WDR19: variants seen among roughly 807,000 people sequenced by gnomAD.
WDR19 encodes the protein WD repeat domain 19.
Under a neutral mutation model 180.0 loss-of-function variants are expected in WDR19, and 121 were observed. That is an observed-to-expected ratio of 0.67 (90% CI 0.58 to 0.78). WDR19 has a LOEUF of 0.78. Ranked by LOEUF, WDR19 falls within the 30% of genes least tolerant of loss-of-function variation. The pLI, the probability that WDR19 is intolerant of heterozygous loss-of-function variation, is 0.00. For missense variants in WDR19, 1,450 were observed against 1,640.7 expected (o/e 0.88, Z 2.01); for synonymous variants, 497 against 540.7 (o/e 0.92, Z 1.12).
At chr4:39,275,067 C>A in intron 33 of WDR19, 109 bp downstream of exon 33, 1 of 1,330,134 alleles carries the variant, frequency 7.5e-7, no homozygotes. Flanking sequence ...GGGCCAGGTG[C>A]AGTGGCTCAC....
intron 6 of WDR19, among the ~76,000 whole-genome samples, chr4:39,201,764 AAT>A (rs1727399181): frequency 6.6e-6 from 1 of 152,160 alleles, no homozygotes; most frequent in Non-Finnish European, 1.5e-5. Flanking sequence ...ATGGCCTTAG[AAT>A]ATTTTTTCCG....
intron 28 of WDR19, among the ~76,000 whole-genome samples, chr4:39,258,665 A>G (rs1733991025): frequency 6.6e-6 from 1 of 152,220 alleles, no homozygotes; most frequent in Non-Finnish European, 1.5e-5. Flanking sequence ...ATTAGGTCAT[A>G]GTATTCTAAA....
At chr4:39,275,660 A>G (rs976156131) in intron 33 of WDR19, among the ~76,000 whole-genome samples, 1 of 152,212 alleles carries the variant, frequency 6.6e-6, no homozygotes, top group Non-Finnish European at 1.5e-5. Flanking sequence ...TCAGAAAGGT[A>G]CCATCCTCAG....
At chr4:39,190,928 A>T (rs1213776806) in intron 4 of WDR19, among the ~76,000 whole-genome samples, 1 of 152,234 alleles carries the variant, frequency 6.6e-6, no homozygotes, top group African/African-American at 2.4e-5. Context: ...AGCAACAGTA[A>T]GGCCATGTTC....
intron 5 of WDR19, among the ~76,000 whole-genome samples, chr4:39,195,715 C>T (rs950305271): frequency 2.0e-5 from 3 of 152,200 alleles, no homozygotes; most frequent in African/African-American, 7.2e-5. Flanking sequence ...AAAAGTATAA[C>T]TTACTGCTAA....
At chr4:39,187,442 G>C (rs1194100563) in intron 3 of WDR19, among the ~76,000 whole-genome samples, 1 of 146,710 alleles carries the variant, frequency 6.8e-6, no homozygotes, top group African/African-American at 2.5e-5. Flanking sequence ...AAAAAAAGAT[G>C]TATAGAGTCC....
chr4:39,234,644 G>A, intron 19 of WDR19, 122 bp from the exon 20 acceptor site: 1 of 702,104 alleles, frequency 1.4e-6, no homozygotes, highest in Non-Finnish European at 2.6e-6. Flanking sequence ...TCATTGTAAA[G>A]ATCAAGTTTC....
intron 32 of WDR19, chr4:39,273,966 CAT>C (rs948643060): frequency 2.0e-5 from 3 of 152,198 alleles, no homozygotes; most frequent in African/African-American, 7.2e-5. Flanking sequence ...CTTCGTGAGA[CAT>C]GTGGCCTCTG....
At position 39,281,236 on chromosome 4, in the gene WDR19, TAG is replaced by T. The variant is rs1553919999; in HGVS notation, c.*13+2599_*13+2600del. ...GTGTGTATATATATATATATATATA[TAG>T]AGAGAGAGAGAGAGAGAGAGAGAGA... is the stretch of plus-strand genomic sequence containing the variant. On this transcript the variant is annotated intron_variant, in intron 36 of 36. Coordinates refer to ENST00000399820, the MANE Select transcript of WDR19 (RefSeq NM_025132.4). 4.7e-3 allele frequency among the ~76,000 whole-genome samples: 489 copies of T among 104,026 alleles called. 9 individuals carry two copies. Among genetic ancestry groups the T allele is most frequent in the African/African-American group, 0.019 (373 of 19,354 alleles). 68.2% of individuals were successfully genotyped at this position (104,026 alleles called of 152,430 possible).
At position 39,205,717 on chromosome 4, in the gene WDR19, G is replaced by A; in HGVS notation, c.871G>A (p.Ala291Thr). 6.2e-7 allele frequency: 1 copy of A among 1,604,324 alleles called. No individual in the cohort carries two copies. The highest frequency in any genetic ancestry group is 1.1e-5 in the South Asian group (1 of 89,308). The change falls in exon 9 of 37, where the codon GCT becomes ACT. Residue 291 changes from alanine to threonine, a missense_variant. By Grantham distance (58) the Ala-to-Thr change is moderately conservative (BLOSUM62 0). Transcript: ENST00000399820. ...IAVSQTLNKV[A>T]TCGDNCIKIQ... ...AGTATCACAGACTCTTAACAAAGTT[G>A]CTACATGTGGAGATAACTGGTAAGT...
chr4:39,246,712 C>T (rs941649974), intron 24 of WDR19, among the ~76,000 whole-genome samples: 1 of 152,224 alleles, frequency 6.6e-6, no homozygotes, highest in Non-Finnish European at 1.5e-5. Flanking sequence ...TTATATCCTG[C>T]ACCTGACTCA....
intron 14 of WDR19, among the ~76,000 whole-genome samples, chr4:39,222,226 G>A (rs1307882989): frequency 3.3e-5 from 5 of 152,114 alleles, no homozygotes; most frequent in Admixed American, 6.5e-5. Context: ...CTTTGGTGAA[G>A]CGTCTGTTCA....
At chr4:39,238,372 A>G (rs1223589556) in intron 20 of WDR19, among the ~76,000 whole-genome samples, 1 of 152,226 alleles carries the variant, frequency 6.6e-6, no homozygotes, top group Non-Finnish European at 1.5e-5. Flanking sequence ...TCCATATGAG[A>G]GCTTCAAAAT....
At chr4:39,211,584 A>G (rs1728507051) in intron 9 of WDR19, among the ~76,000 whole-genome samples, 1 of 152,244 alleles carries the variant, frequency 6.6e-6, no homozygotes, top group African/African-American at 2.4e-5. Flanking sequence ...TATAAGATCA[A>G]CACACAAAAA....
At chr4:39,188,947 G>A (rs143548973) in intron 3 of WDR19, among the ~76,000 whole-genome samples, 3 of 151,814 alleles carry the variant, frequency 2.0e-5, no homozygotes, top group African/African-American at 7.2e-5. Context: ...GGTAGAGATG[G>A]GACCTTGCCA....
In WDR19 at chr4:39,218,216, A is replaced by G. The variant is rs555442130; in HGVS notation, c.1479+111A>G. The stretch of plus-strand genomic sequence containing the variant: ...TTTTTTCTATATTGAATCCAATACA[A>G]TTAATGAAGTTATCTGTGATTAATT... On this transcript the variant is annotated intron_variant, in intron 14 of 36. Transcript: ENST00000399820. 3.1e-6 allele frequency: 4 copies of G among 1,276,184 alleles called. No individual in the cohort carries two copies. The South Asian group carries it at 4.5e-5, about 14-fold the overall frequency. 79.1% of individuals were successfully genotyped at this position (1,276,184 alleles called of 1,614,324 possible). A position where few individuals can be genotyped will look rare whatever the true frequency, so the allele number is the denominator to read the frequency against.
chr4:39,228,699 T>TCA lies in WDR19; in HGVS notation c.1982+15_1982+16dup. ...AATTTAATGCTAAAGAGGTAGGCTTTCACACACTTCTTTTGGAACTTCTCA... is the reference window on the plus strand; with the variant it reads ...AATTTAATGCTAAAGAGGTAGGCTTTCACACACACTTCTTTTGGAACTTCTCA... On this transcript the variant is annotated intron_variant, in intron 17 of 36. Transcript: ENST00000399820. The TCA allele has an allele frequency of 3.3e-6, 5 of 1,529,640 alleles. No homozygotes were observed. The highest frequency in any genetic ancestry group is 4.4e-6 in the Non-Finnish European group (5 of 1,138,448). The allele number at this position is 1,529,640 out of a possible 1,614,324, so 94.8% of individuals were successfully genotyped here.
intron 36 of WDR19, 66 bp downstream of exon 36, chr4:39,278,729 C>T: frequency 1.1e-6 from 1 of 900,046 alleles, no homozygotes; most frequent in Non-Finnish European, 1.7e-6. Flanking sequence ...CAGCTTTTCA[C>T]TGTGTATCAG....
chr4:39,221,875 T>C lies in WDR19; in HGVS notation c.1480-3009T>C, dbSNP rs144471774. 7.3e-3 allele frequency among the ~76,000 whole-genome samples: 1,115 copies of C among 152,318 alleles called. 20 individuals are homozygous for C. The highest frequency in any genetic ancestry group is 0.025 in the African/African-American group (1,051 of 41,574). On this transcript the variant is annotated intron_variant, in intron 14 of 36. Coordinates refer to ENST00000399820, the MANE Select transcript of WDR19 (RefSeq NM_025132.4). ...ATTTCTTTTTATTGCTGAGTAGTAG[T>C]AGTCTATAGTATGTATATATCATAA...
Sources: gnomAD v4.1 joint callset for allele counts (sites outside exome capture counted in the v4.1 genomes callset) on GRCh38, gnomAD v4.1.1 for gene constraint, MANE v1.5 for transcripts, NCBI Gene and HGNC (gene_info 2026-07-23, HGNC 2026-07-21) for gene names.